FANCM: variants seen among roughly 807,000 people sequenced by gnomAD.
FANCM encodes the protein Fanconi anemia group M protein.
In FANCM, 140 loss-of-function variants were observed where a neutral mutation model predicts 199.5. That is an observed-to-expected ratio of 0.70 (90% CI 0.61 to 0.81). The LOEUF is 0.81. Among genes scored for constraint, FANCM ranks in the 30% least tolerant of loss-of-function variants. The pLI is 0.00. For missense variants in FANCM, 2,410 were observed against 2,421.4 expected, an observed-to-expected ratio of 1.00 and a Z score of 0.10; for synonymous variants, 840 against 836.8, an observed-to-expected ratio of 1.00 and a Z score of -0.07.
intron 18 of FANCM, 45 bp downstream of exon 18, chr14:45,185,418 G>A (rs2139284587): frequency 8.8e-7 from 1 of 1,134,828 alleles, no homozygotes; most frequent in Non-Finnish European, 1.3e-6. Context: ...ATGTTTTTAT[G>A]TGCTTATATT....
intron 20 of FANCM, among the ~76,000 whole-genome samples, chr14:45,194,371 C>G (rs1426483598): frequency 6.6e-6 from 1 of 151,172 alleles, no homozygotes; most frequent in East Asian, 1.9e-4. Flanking sequence ...CTGCTTCCTT[C>G]CTTGTACAAA....
chr14:45,186,389 C>T (rs1321328500), intron 18 of FANCM, among the ~76,000 whole-genome samples: 1 of 152,160 alleles, frequency 6.6e-6, no homozygotes, highest in Non-Finnish European at 1.5e-5. Context: ...TTGAACGGAT[C>T]TTACATACAA....
At chr14:45,184,051 A>G in intron 17 of FANCM, 149 bp downstream of exon 17, 1 of 594,558 alleles carries the variant, frequency 1.7e-6, no homozygotes, top group Non-Finnish European at 2.8e-6. Flanking sequence ...TACTGGAATT[A>G]AATTCAAAGT....
intron 22 of FANCM, among the ~76,000 whole-genome samples, chr14:45,199,469 TACTG>T (rs1157992012): frequency 6.6e-6 from 1 of 152,242 alleles, no homozygotes; most frequent in Non-Finnish European, 1.5e-5. Flanking sequence ...AGTCACAGAC[TACTG>T]CCTTCTCATT....
At chr14:45,174,297 G>C (rs913644051) in intron 13 of FANCM, among the ~76,000 whole-genome samples, 12 of 151,958 alleles carry the variant, frequency 7.9e-5, no homozygotes, top group African/African-American at 2.9e-4. Flanking sequence ...TGAGGCAGGA[G>C]AGTCACTTGA....
chr14:45,140,346 G>A (rs530012375), intron 2 of FANCM, among the ~76,000 whole-genome samples: 1 of 152,300 alleles, frequency 6.6e-6, no homozygotes, highest in South Asian at 2.1e-4. Flanking sequence ...TTACAAGCGT[G>A]AGCCACTGTG....
At position 45,135,970 on chromosome 14, in the gene FANCM, G is replaced by C. The variant is rs1885451718; in HGVS notation, c.-62G>C. On this transcript the variant is annotated 5_prime_UTR_variant, in exon 1 of 23. Transcript: ENST00000267430. ...AAGGAAACCGATGGGGATCGGAACC[G>C]TAGCGGTTGAGCTGCTGCTGCTACG... The C allele has an allele frequency of 6.3e-7, 1 of 1,577,590 alleles. No homozygotes were observed. The highest frequency in any genetic ancestry group is 8.7e-7 in the Non-Finnish European group (1 of 1,150,088).
intron 17 of FANCM, 33 bp downstream of exon 17, chr14:45,183,935 T>C (rs1190841057): frequency 1.3e-6 from 2 of 1,494,460 alleles, no homozygotes; most frequent in Admixed American, 3.4e-5. Context: ...TAAATATGTA[T>C]GCATTTTATC....
At chr14:45,139,247 G>A (rs1885741696) in intron 2 of FANCM, among the ~76,000 whole-genome samples, 1 of 152,116 alleles carries the variant, frequency 6.6e-6, no homozygotes, top group Admixed American at 6.5e-5. Flanking sequence ...AGAATAATAA[G>A]TATAATGTTA....
At chr14:45,189,761 G>T (rs1889648100) in intron 20 of FANCM, among the ~76,000 whole-genome samples, 6 of 152,124 alleles carry the variant, frequency 3.9e-5, no homozygotes, top group Admixed American at 3.9e-4. Flanking sequence ...TTGAGGTCAG[G>T]AGTTCAAGAC....
chr14:45,175,306 T>C lies in FANCM; in HGVS notation c.2552T>C (p.Val851Ala). The change falls in exon 14 of 23, where the codon GTT (valine) becomes GCT (alanine). Residue 851 changes from valine to alanine, a missense_variant. Coordinates refer to ENST00000267430, the MANE Select transcript of FANCM (RefSeq NM_020937.4). ...KQTHIKPTKI[V>A]SLKKKVSKEI... Reference sequence around the variant, plus strand: ...ACTCATATCAAACCTACTAAAATTGTTTCTTTAAAGAAAAAAGTGTCTAAA... The same window carrying C: ...ACTCATATCAAACCTACTAAAATTGCTTCTTTAAAGAAAAAAGTGTCTAAA... 4 of 1,573,450 alleles carry C rather than the reference T, an allele frequency of 2.5e-6. No individual in the cohort carries two copies. Among genetic ancestry groups the C allele is most frequent in the Non-Finnish European group, 3.4e-6 (4 of 1,163,518 alleles).
intron 5 of FANCM, among the ~76,000 whole-genome samples, chr14:45,153,668 C>A (rs1886975849): frequency 6.6e-6 from 1 of 151,776 alleles, no homozygotes; most frequent in Non-Finnish European, 1.5e-5. Flanking sequence ...ATGTAAGTTT[C>A]CTGTTTAATT....
At chr14:45,186,960 G>GC (rs1308288075) in intron 18 of FANCM, among the ~76,000 whole-genome samples, 18 of 152,168 alleles carry the variant, frequency 1.2e-4, no homozygotes, top group Admixed American at 1.2e-3. Flanking sequence ...ATCAAGGAAT[G>GC]CTAGTGGCTT....
chr14:45,194,356 C>G (rs762154788), intron 20 of FANCM, among the ~76,000 whole-genome samples: 1 of 150,952 alleles, frequency 6.6e-6, no homozygotes, highest in Non-Finnish European at 1.5e-5. Flanking sequence ...TTTTTGTGTC[C>G]TTCACTGCTT....
chr14:45,181,476 C>A lies in FANCM; in HGVS notation c.4269C>A (p.Phe1423Leu). The change falls in exon 15 of 23, where the codon TTC (phenylalanine) becomes TTA (leucine). Residue 1423 changes from phenylalanine to leucine, a missense_variant. By Grantham distance (22) the Phe-to-Leu change is conservative. Coordinates refer to ENST00000267430, the MANE Select transcript of FANCM (RefSeq NM_020937.4). The part of the protein sequence containing the change: ...TSNESEDDEI[F>L]RRKVKRAKGN... ...ACGAAAGTGAAGATGACGAGATTTT[C>A]CGAAGAAAAGTTAAAAGAGCAAAAG... 1 of 1,608,620 alleles carries A rather than the reference C, an allele frequency of 6.2e-7. No homozygotes were observed. The highest frequency in any genetic ancestry group is 1.1e-5 in the South Asian group (1 of 90,774).
At position 45,176,346 on chromosome 14, in the gene FANCM, G is replaced by A; in HGVS notation, c.3592G>A (p.Ala1198Thr). 1 of 1,613,688 alleles carries A rather than the reference G, an allele frequency of 6.2e-7. No individual in the cohort carries two copies. Among genetic ancestry groups the A allele is most frequent in the Non-Finnish European group, 8.5e-7 (1 of 1,179,950 alleles). Residue 1198 changes from alanine to threonine, a missense_variant, in exon 14 of 23, where the codon GCT becomes ACT. Physicochemically the swap from Ala to Thr is moderately conservative, Grantham distance 58 (BLOSUM62 0). Transcript: ENST00000267430. ...ACTCCAAGATCAAATCACCCGTGAT[G>A]CTAATAGTTTTAAATCTCGTGATCA... ...SELQDQITRD[A>T]NSFKSRDQRG...
intron 13 of FANCM, among the ~76,000 whole-genome samples, chr14:45,174,422 G>A (rs995350784): frequency 1.4e-4 from 21 of 151,738 alleles, no homozygotes; most frequent in Admixed American, 8.5e-4. Context: ...AGAGGTAACT[G>A]CTTAAGTCTA....
chr14:45,150,028 G>T (rs1013929103), intron 4 of FANCM, among the ~76,000 whole-genome samples: 7 of 152,184 alleles, frequency 4.6e-5, no homozygotes, highest in South Asian at 2.1e-4. Flanking sequence ...GGAGAAATTT[G>T]TGGTAACACA....
chr14:45,169,243 A>C (rs1194762764), intron 11 of FANCM, among the ~76,000 whole-genome samples: 1 of 151,966 alleles, frequency 6.6e-6, no homozygotes, highest in East Asian at 1.9e-4. Context: ...ATTTTAAGGG[A>C]CTGGGGGTAC....
Sources: allele counts gnomAD v4.1 joint callset (sites outside exome capture counted in the v4.1 genomes callset), GRCh38; gene constraint gnomAD v4.1.1; transcripts MANE v1.5; gene names NCBI Gene and HGNC (gene_info 2026-07-23, HGNC 2026-07-21).